Variants in PAX5 observed in about 807,000 individuals in gnomAD.
PAX5 encodes paired box protein Pax-5.
Under a neutral mutation model 43.7 loss-of-function variants are expected in PAX5, and 9 were observed. That is an observed-to-expected ratio of 0.21 (90% CI 0.12 to 0.36). The LOEUF (loss-of-function observed/expected upper bound fraction) is 0.36, where lower values mean the gene tolerates loss of function less well. Ranked by LOEUF, PAX5 falls within the 10% of genes least tolerant of loss-of-function variation. The probability of loss-of-function intolerance (pLI) is 1.00; values close to 1 mark genes in which losing one functional copy is unlikely to be tolerated. For synonymous variants in PAX5, 228 were observed against 214.3 expected, an observed-to-expected ratio of 1.06 and a Z score of -0.56; for missense variants, 383 against 532.7, an observed-to-expected ratio of 0.72 and a Z score of 2.77.
At chr9:36,850,705 C>T (rs914340351) in intron 8 of PAX5, among the ~76,000 whole-genome samples, 2 of 152,256 alleles carry the variant, frequency 1.3e-5, no homozygotes, top group Non-Finnish European at 2.9e-5. Context: ...ATCGGAGTGG[C>T]TGTCCCTCAG....
chr9:36,881,960 C>T lies in PAX5; in HGVS notation c.1012+44G>A, dbSNP rs201523208. On this transcript the variant is annotated intron_variant, in intron 8 of 9. Transcript: ENST00000358127. ...GGGGGGGATGTCCCCCCACCGAAAC[C>T]CCGTCCGCTGCCTGCTGTGGAGACG... is the stretch of plus-strand genomic sequence containing the variant. 20 of 1,472,086 alleles carry T rather than the reference C, an allele frequency of 1.4e-5. No homozygotes were observed. The East Asian group carries it at 4.0e-4, about 30-fold the overall frequency. The allele number at this position is 1,472,086 out of a possible 1,614,324, so 91.2% of individuals were successfully genotyped here.
At position 36,833,401 on chromosome 9, in the gene PAX5, A is replaced by G. The variant is rs1256600122; in HGVS notation, c.*7159T>C. On this transcript the variant is annotated 3_prime_UTR_variant, in exon 10 of 10. Transcript: ENST00000358127. ...AAGTAACAGCCACTCATGAAAAGAC[A>G]CACAGATATTGAAACTACGCCAATC... 4 of 233,156 alleles carry G rather than the reference A, an allele frequency of 1.7e-5. No individual in the cohort carries two copies. Among genetic ancestry groups the G allele is most frequent in the Non-Finnish European group, 1.7e-5 (2 of 118,052 alleles). 14.4% of individuals were successfully genotyped at this position (233,156 alleles called of 1,614,324 possible). A position where few individuals can be genotyped will look rare whatever the true frequency, so the allele number is the denominator to read the frequency against.
intron 6 of PAX5, among the ~76,000 whole-genome samples, chr9:36,932,624 G>A (rs935566597): frequency 6.6e-6 from 1 of 152,180 alleles, no homozygotes; most frequent in Non-Finnish European, 1.5e-5. Context: ...GTGATGAAAC[G>A]AGTCCAAAAC....
At chr9:36,948,064 G>A (rs1014804187) in intron 6 of PAX5, among the ~76,000 whole-genome samples, 3 of 152,190 alleles carry the variant, frequency 2.0e-5, no homozygotes, top group Non-Finnish European at 4.4e-5. Flanking sequence ...GGAGACACAC[G>A]GGAGCCTCAC....
At chr9:37,006,019 T>C (rs575989226) in intron 4 of PAX5, among the ~76,000 whole-genome samples, 1 of 152,272 alleles carries the variant, frequency 6.6e-6, no homozygotes, top group South Asian at 2.1e-4. Flanking sequence ...AGAAAGTAAG[T>C]TTGGGAACTT....
intron 5 of PAX5, among the ~76,000 whole-genome samples, chr9:36,980,804 T>C (rs1835846692): frequency 6.6e-6 from 1 of 152,080 alleles, no homozygotes; most frequent in Admixed American, 6.5e-5. Context: ...AGTGACTCAC[T>C]GGAGGTAGGG....
At chr9:36,988,737 C>G (rs1201230333) in intron 5 of PAX5, among the ~76,000 whole-genome samples, 1 of 149,818 alleles carries the variant, frequency 6.7e-6, no homozygotes, top group Admixed American at 6.6e-5. Flanking sequence ...ACGTTCTCAA[C>G]GAGATCTTTT....
chr9:36,937,383 C>G lies in PAX5; in HGVS notation c.781-13899G>C, dbSNP rs539326523. 3.3e-4 allele frequency among the ~76,000 whole-genome samples: 50 copies of G among 152,308 alleles called. 1 individual carries two copies. In the East Asian group the frequency reaches 3.9e-3, roughly 12 times the overall value. On this transcript the variant is annotated intron_variant, in intron 6 of 9. Transcript: ENST00000358127. ...AGCTCTGAAACACCACTCTACACCCCCTCTGCCACTGTTACTAACCCCAAC... is the reference window on the plus strand; with the variant it reads ...AGCTCTGAAACACCACTCTACACCCGCTCTGCCACTGTTACTAACCCCAAC...
At chr9:36,912,714 G>C (rs1209256330) in intron 7 of PAX5, among the ~76,000 whole-genome samples, 3 of 152,160 alleles carry the variant, frequency 2.0e-5, no homozygotes, top group Non-Finnish European at 4.4e-5. Context: ...GGTATGGTCA[G>C]AACGTCTGCT....
chr9:37,001,664 A>G (rs1837865981), intron 5 of PAX5, among the ~76,000 whole-genome samples: 1 of 152,186 alleles, frequency 6.6e-6, no homozygotes, highest in Non-Finnish European at 1.5e-5. Flanking sequence ...TCAATTTTCT[A>G]GTTACAGATC....
chr9:36,936,961 G>T (rs1588023857), intron 6 of PAX5, among the ~76,000 whole-genome samples: 1 of 152,166 alleles, frequency 6.6e-6, no homozygotes, highest in African/African-American at 2.4e-5. Context: ...GGCATACCCA[G>T]CCAGCCTCAG....
At chr9:36,890,772 C>G (rs1481171417) in intron 7 of PAX5, among the ~76,000 whole-genome samples, 1 of 152,090 alleles carries the variant, frequency 6.6e-6, no homozygotes, top group Non-Finnish European at 1.5e-5. Context: ...TGAATTAAAC[C>G]CGAGTGAAAG....
intron 5 of PAX5, among the ~76,000 whole-genome samples, chr9:36,986,505 C>T (rs1395291898): frequency 6.6e-6 from 1 of 152,102 alleles, no homozygotes. Context: ...GCCTCCTTCC[C>T]GGGGGCGCCG....
chr9:36,855,055 C>T (rs1366490955), intron 8 of PAX5, among the ~76,000 whole-genome samples: 1 of 152,230 alleles, frequency 6.6e-6, no homozygotes. Context: ...TGTCCCCTTC[C>T]TGTTGTCTAC....
intron 8 of PAX5, among the ~76,000 whole-genome samples, chr9:36,858,173 T>G (rs1823855748): frequency 6.6e-6 from 1 of 152,258 alleles, no homozygotes; most frequent in Admixed American, 6.5e-5. Context: ...TTGAAAAGTA[T>G]TATACAAATG....
chr9:37,001,275 C>A (rs1331782021), intron 5 of PAX5, among the ~76,000 whole-genome samples: 1 of 152,208 alleles, frequency 6.6e-6, no homozygotes, highest in Non-Finnish European at 1.5e-5. Flanking sequence ...CCAAAAATCT[C>A]CACCTGGATC....
intron 8 of PAX5, among the ~76,000 whole-genome samples, chr9:36,866,173 C>T (rs753653511): frequency 1.3e-5 from 2 of 152,176 alleles, no homozygotes; most frequent in Admixed American, 6.5e-5. Flanking sequence ...GCGGGCGGGC[C>T]GGGCCTCACC....
At chr9:36,992,325 C>T (rs1283406696) in intron 5 of PAX5, among the ~76,000 whole-genome samples, 2 of 152,108 alleles carry the variant, frequency 1.3e-5, no homozygotes, top group Non-Finnish European at 2.9e-5. Context: ...AATAGCATTG[C>T]TAGGTTTTCT....
At chr9:37,026,399 CTGCACTT>C in intron 1 of PAX5, 1 of 783,494 alleles carries the variant, frequency 1.3e-6, no homozygotes, top group Non-Finnish European at 1.8e-6. Flanking sequence ...CCTGGGATCC[CTGCACTT>C]TGCAAAGTTA....
Sources: allele counts gnomAD v4.1 joint callset (sites outside exome capture counted in the v4.1 genomes callset), GRCh38; gene constraint gnomAD v4.1.1; transcripts MANE v1.5; gene names NCBI Gene and HGNC (gene_info 2026-07-23, HGNC 2026-07-21).